SMARCA2: variants seen among roughly 807,000 people sequenced by gnomAD.
SMARCA2 encodes the protein SWI/SNF-related matrix-associated actin-dependent regulator of chromatin subfamily A member 2.
Under a neutral mutation model 199.8 loss-of-function variants are expected in SMARCA2, and 61 were observed. The ratio of observed to expected loss-of-function variants is 0.31; its 90% CI spans 0.25 to 0.38. SMARCA2 has a LOEUF of 0.38. Ranked by LOEUF, SMARCA2 falls within the 10% of genes least tolerant of loss-of-function variation. The pLI, the probability that SMARCA2 is intolerant of heterozygous loss-of-function variation, is 1.00. For missense variants in SMARCA2, 1,344 were observed against 2,012.2 expected (o/e 0.67, Z 6.35); for synonymous variants, 935 against 732.0 (o/e 1.28, Z -4.48).
Position 2,115,815 on chromosome 9 carries a change from C to G in SMARCA2, c.3457-7C>G, listed in dbSNP as rs762843612. The G allele has an allele frequency of 8.1e-6, 13 of 1,612,716 alleles. No individual in the cohort carries two copies. In the East Asian group the frequency reaches 1.8e-4, roughly 22 times the overall value. The stretch of plus-strand genomic sequence containing the variant: ...CAGTCCTCATAGCATATTGACCCCC[C>G]AAACAGGATCTGCAGGCCCAAGACC... On this transcript the variant is annotated splice_region_variant and splice_polypyrimidine_tract_variant and intron_variant, in intron 24 of 33. Coordinates refer to ENST00000349721, the MANE Select transcript of SMARCA2 (RefSeq NM_003070.5). The surrounding 1 kb of genome is among the most constrained non-coding windows in gnomAD (Gnocchi z 6.0).
chr9:2,018,887 G>A (rs933918548), intron 1 of SMARCA2, among the ~76,000 whole-genome samples: 1 of 152,232 alleles, frequency 6.6e-6, no homozygotes, highest in Middle Eastern at 3.2e-3. Context: ...TGGAGTTTTA[G>A]GCTTCCAGGC....
chr9:2,055,020 G>A (rs994239307), intron 6 of SMARCA2, among the ~76,000 whole-genome samples: 4 of 152,236 alleles, frequency 2.6e-5, no homozygotes, highest in Non-Finnish European at 5.9e-5. Flanking sequence ...TTGGGAACAA[G>A]TGGGGTAGCT....
chr9:2,039,541 C>T lies in SMARCA2; in HGVS notation c.431C>T (p.Thr144Ile). ...VSSPMSGGGP[T>I]PPQMPPSQPG... ...AGCCCTATGTCTGGAGGAGGCCCAA[C>T]TCCACCTCAGATGCCACCAAGCCAG... is the stretch of plus-strand genomic sequence containing the variant. Residue 144 changes from threonine (T) to isoleucine (I), a missense_variant, in exon 4 of 34, where the codon ACT becomes ATT. Thr to Ile is a moderately conservative substitution (Grantham distance 89, BLOSUM62 -1). Transcript: ENST00000349721. This position sits in a 1 kb window ranked among gnomAD's most constrained non-coding sequence, Gnocchi z 4.8. The T allele has an allele frequency of 6.2e-7, 1 of 1,614,202 alleles. No homozygotes were observed. The highest frequency in any genetic ancestry group is 8.5e-7 in the Non-Finnish European group (1 of 1,180,032).
Position 2,056,556 on chromosome 9 carries a change from A to T in SMARCA2, c.1174-116A>T, listed in dbSNP as rs1014336277. On this transcript the variant is annotated intron_variant, in intron 6 of 33. Transcript: ENST00000349721. The surrounding 1 kb of genome is among the most constrained non-coding windows in gnomAD (Gnocchi z 4.0). ...TAATACAAACCAAAGGTGATTGAGA[A>T]GCTTGTGGAGATTCCCCGCCCCACT... 3.6e-6 allele frequency: 3 copies of T among 842,246 alleles called. No homozygotes were observed. In the Admixed American group the frequency reaches 9.1e-5, roughly 26 times the overall value. 52.2% of individuals were successfully genotyped at this position (842,246 alleles called of 1,614,324 possible).
chr9:2,058,631 C>T (rs969390441), intron 8 of SMARCA2, among the ~76,000 whole-genome samples, 167 bp downstream of exon 8: 2 of 152,112 alleles, frequency 1.3e-5, no homozygotes, highest in Admixed American at 6.5e-5. Flanking sequence ...TTTTCTCTTT[C>T]CTGGAGAATG....
chr9:2,092,369 T>C (rs1354358183), intron 19 of SMARCA2, among the ~76,000 whole-genome samples: 2 of 152,226 alleles, frequency 1.3e-5, no homozygotes, highest in Non-Finnish European at 2.9e-5. Flanking sequence ...ATATCAAATT[T>C]TGGAATGCTT....
chr9:2,038,448 C>T (rs1484668310), intron 3 of SMARCA2, among the ~76,000 whole-genome samples: 1 of 152,182 alleles, frequency 6.6e-6, no homozygotes, highest in Non-Finnish European at 1.5e-5. Flanking sequence ...ACCTACCTTT[C>T]CCACATAATG....
At chr9:2,125,262 T>A (rs1017030503) in intron 27 of SMARCA2, among the ~76,000 whole-genome samples, 1 of 152,216 alleles carries the variant, frequency 6.6e-6, no homozygotes, top group African/African-American at 2.4e-5. Flanking sequence ...TTTGTGTGAT[T>A]AGTTTGTCGT....
At chr9:2,102,132 AGTGTGTGTGTGTGTGTGTGTGT>A (rs71327397) in intron 22 of SMARCA2, among the ~76,000 whole-genome samples, 1 of 148,012 alleles carries the variant, frequency 6.8e-6, no homozygotes, top group Admixed American at 6.7e-5. Flanking sequence ...ATTAACAGAA[AGTGTGTGTGTGTGTGTGTGTGT>A]GTGTGTGTGT....
At chr9:2,160,211 CTT>C (rs147266408) in intron 27 of SMARCA2, 12,079 of 268,808 alleles carry the variant, frequency 0.045, 299 homozygotes, top group African/African-American at 0.13. Context: ...TAATGTGAAG[CTT>C]TTTTTTTTTT....
At chr9:2,074,759 C>T (rs369084514) in intron 12 of SMARCA2, among the ~76,000 whole-genome samples, 4 of 152,106 alleles carry the variant, frequency 2.6e-5, no homozygotes, top group African/African-American at 4.8e-5. Context: ...TCCAGCTACT[C>T]GGGAGGCTGA....
intron 22 of SMARCA2, among the ~76,000 whole-genome samples, chr9:2,102,166 G>A (rs1044021966): frequency 6.7e-6 from 1 of 149,410 alleles, no homozygotes; most frequent in South Asian, 2.1e-4. Context: ...TGTGTGTGTG[G>A]TGTGTTGCAA....
chr9:2,082,048 C>G, intron 15 of SMARCA2, 53 bp downstream of exon 15: 1 of 1,428,322 alleles, frequency 7.0e-7, no homozygotes, highest in Non-Finnish European at 9.7e-7. Context: ...GTAGAGTGCC[C>G]GATTAGTAGC....
rs745526649 is a variant in SMARCA2, at chr9:2,191,356, A to T, written c.4685A>T (p.Lys1562Ile). ...GGCAAGAAAAGGCCAAATCGAGGAA[A>T]AGCCAAACCTGTAGTGAGCGATTTT... ...GKGKKRPNRG[K>I]AKPVVSDFDS... The change falls in exon 33 of 34, where the codon AAA becomes ATA. Residue 1562 changes from lysine to isoleucine, a missense_variant. This residue lies in a region of SMARCA2 where 155 missense variants were observed against 121.1 expected (regional missense o/e 1.28). Coordinates refer to ENST00000349721, the MANE Select transcript of SMARCA2 (RefSeq NM_003070.5). 2.5e-6 allele frequency: 4 copies of T among 1,614,114 alleles called. No homozygotes were observed. Among genetic ancestry groups the T allele is most frequent in the African/African-American group, 2.7e-5 (2 of 74,952 alleles).
Position 2,073,297 on chromosome 9 carries a change from C to G in SMARCA2, c.1832C>G (p.Ala611Gly). The G allele has an allele frequency of 1.2e-6, 2 of 1,614,198 alleles. No individual in the cohort carries two copies. Among genetic ancestry groups the G allele is most frequent in the African/African-American group, 1.3e-5 (1 of 75,044 alleles). The change falls in exon 11 of 34, where the codon GCA becomes GGA. Residue 611 changes from alanine (A) to glycine (G), a missense_variant. This residue lies in a region of SMARCA2 where 106 missense variants were observed against 179.7 expected (regional missense o/e 0.59). Transcript: ENST00000349721. ...GGCAAGGTTCTGTTCGGACCAGAAGCACCCAAAGCAAGTCAGCTGGACGCC... is the reference window on the plus strand; with the variant it reads ...GGCAAGGTTCTGTTCGGACCAGAAGGACCCAAAGCAAGTCAGCTGGACGCC... ...ETGKVLFGPE[A>G]PKASQLDAWL... is the part of the protein sequence containing the mutation.
At chr9:2,133,103 C>G (rs775746665) in intron 27 of SMARCA2, among the ~76,000 whole-genome samples, 3 of 152,108 alleles carry the variant, frequency 2.0e-5, no homozygotes, top group Non-Finnish European at 2.9e-5. Context: ...ATCAAACTCA[C>G]TCATCGAAAG....
intron 22 of SMARCA2, among the ~76,000 whole-genome samples, chr9:2,102,417 A>G (rs1255250088): frequency 6.6e-6 from 1 of 152,154 alleles, no homozygotes; most frequent in Non-Finnish European, 1.5e-5. Context: ...CTCAGAGTGG[A>G]GGATGGATGT....
intron 27 of SMARCA2, among the ~76,000 whole-genome samples, chr9:2,148,993 A>C (rs1164775792): frequency 6.6e-6 from 1 of 151,612 alleles, no homozygotes; most frequent in Non-Finnish European, 1.5e-5. Context: ...AATACCAAAA[A>C]GCTATGGAAG....
chr9:2,075,681 G>C (rs1821292682), intron 12 of SMARCA2, among the ~76,000 whole-genome samples: 1 of 152,180 alleles, frequency 6.6e-6, no homozygotes, highest in Non-Finnish European at 1.5e-5. Flanking sequence ...TTTTGAGACA[G>C]AGTTTCGCTC....
Sources: gnomAD v4.1 joint callset for allele counts (sites outside exome capture counted in the v4.1 genomes callset) on GRCh38, gnomAD v4.1.1 for gene constraint, gnomAD v4.1.1 regional missense constraint, Gnocchi (gnomAD v3.1) non-coding constraint, MANE v1.5 for transcripts, NCBI Gene and HGNC (gene_info 2026-07-23, HGNC 2026-07-21) for gene names.